The following SLC6A4 variants were observed in gnomAD, a reference collection of about 807,000 sequenced individuals.
SLC6A4 encodes sodium-dependent serotonin transporter.
SLC6A4 carries 22 observed loss-of-function variants against 73.4 expected under a neutral mutation model. The observed-to-expected ratio is 0.30, with a 90% CI of 0.21 to 0.43. The LOEUF is 0.43. Among genes scored for constraint, SLC6A4 ranks in the 20% least tolerant of loss-of-function variants. The probability of loss-of-function intolerance (pLI) is 1.00; values close to 1 mark genes in which losing one functional copy is unlikely to be tolerated. For missense variants in SLC6A4, 593 were observed against 808.5 expected (o/e 0.73, Z 3.23); for synonymous variants, 270 against 315.5 (o/e 0.86, Z 1.53).
rs1166984506 is a variant in SLC6A4, at chr17:30,194,655, T to C, written c.*3801A>G. The C allele has an allele frequency of 6.6e-6, 1 of 152,210 alleles. No individual in the cohort carries two copies. The highest frequency in any genetic ancestry group is 1.5e-5 in the Non-Finnish European group (1 of 68,038). The allele number at this position is 152,210 out of a possible 1,614,324, so 9.4% of individuals were successfully genotyped here. On this transcript the variant is annotated 3_prime_UTR_variant, in exon 15 of 15. Coordinates refer to ENST00000650711, the MANE Select transcript of SLC6A4 (RefSeq NM_001045.6). Reference sequence around the variant, plus strand: ...TTTAATTTTAGAGTGTAAATAAGAATAATCTTTCAAAATGCCATTTAAAAA... The same window carrying C: ...TTTAATTTTAGAGTGTAAATAAGAACAATCTTTCAAAATGCCATTTAAAAA...
Position 30,216,223 on chromosome 17 carries a change from G to C in SLC6A4, c.838-7C>G. On this transcript the variant is annotated splice_region_variant and splice_polypyrimidine_tract_variant and intron_variant, in intron 6 of 14. Transcript: ENST00000650711. Reference sequence around the variant, plus strand: ...TGGCTGTCACCCACACCACCTGTAAGGAAGAAGGGTTATCACCATGCTGTT... The same window carrying C: ...TGGCTGTCACCCACACCACCTGTAACGAAGAAGGGTTATCACCATGCTGTT... 1 of 1,414,478 alleles carries C rather than the reference G, an allele frequency of 7.1e-7. No individual in the cohort carries two copies. The highest frequency in any genetic ancestry group is 1.5e-5 in the African/African-American group (1 of 67,558). The allele number at this position is 1,414,478 out of a possible 1,614,324, so 87.6% of individuals were successfully genotyped here.
intron 12 of SLC6A4, among the ~76,000 whole-genome samples, chr17:30,208,260 A>G (rs1278950279): frequency 6.6e-6 from 1 of 152,148 alleles, no homozygotes; most frequent in Non-Finnish European, 1.5e-5. Context: ...AAACAGTTGA[A>G]TTTTGTCCAG....
At chr17:30,222,729 G>T (rs981095741) in intron 2 of SLC6A4, 90 bp downstream of exon 2, 2 of 1,139,814 alleles carry the variant, frequency 1.8e-6, no homozygotes, top group Non-Finnish European at 2.4e-6. Flanking sequence ...GCTGCCTCCG[G>T]CTGTGTCCAG....
chr17:30,225,563 C>T (rs1019497895), intron 1 of SLC6A4, among the ~76,000 whole-genome samples: 2 of 152,268 alleles, frequency 1.3e-5, no homozygotes, highest in South Asian at 2.1e-4. Flanking sequence ...AGATTGCAAA[C>T]GAGGTCAATA....
chr17:30,230,501 C>T (rs964165484), intron 1 of SLC6A4, among the ~76,000 whole-genome samples: 2 of 152,234 alleles, frequency 1.3e-5, no homozygotes, highest in Admixed American at 6.5e-5. Flanking sequence ...GTAAAACAGA[C>T]ATGATTGGGT....
intron 1 of SLC6A4, among the ~76,000 whole-genome samples, chr17:30,231,111 G>A (rs569472993): frequency 8.5e-5 from 13 of 152,200 alleles, no homozygotes; most frequent in African/African-American, 2.4e-4. Context: ...CTGTATGTGC[G>A]ATAATAGTAT....
At chr17:30,227,517 G>A (rs938035855) in intron 1 of SLC6A4, among the ~76,000 whole-genome samples, 1 of 151,936 alleles carries the variant, frequency 6.6e-6, no homozygotes. Flanking sequence ...ACAGAGTCTT[G>A]CACTGTCATC....
chr17:30,228,595 G>A (rs936983906), intron 1 of SLC6A4, among the ~76,000 whole-genome samples: 16 of 152,250 alleles, frequency 1.1e-4, no homozygotes, highest in South Asian at 4.2e-4. Context: ...ATCCACGTGG[G>A]CACTCAGGGA....
At chr17:30,223,557 G>A (rs1906835994) in intron 1 of SLC6A4, among the ~76,000 whole-genome samples, 1 of 152,222 alleles carries the variant, frequency 6.6e-6, no homozygotes, top group South Asian at 2.1e-4. Context: ...AGTCACTAGG[G>A]TTTGGCGTTT....
In SLC6A4 at chr17:30,226,038, C is replaced by G. The variant is rs56271950; in HGVS notation, c.-220-3123G>C. ...GGAAATGCCTGTGACGCTCCATCTA[C>G]TTGATGCCTATCAGTGCCTTCTAAG... On this transcript the variant is annotated intron_variant, in intron 1 of 14. Coordinates refer to ENST00000650711, the MANE Select transcript of SLC6A4 (RefSeq NM_001045.6). Among the ~76,000 whole-genome samples, 555 of 152,338 alleles carry G rather than the reference C, an allele frequency of 3.6e-3. 9 individuals are homozygous for G. The highest frequency in any genetic ancestry group is 0.029 in the Admixed American group (450 of 15,298).
Position 30,221,728 on chromosome 17 carries a change from C to T in SLC6A4, c.231G>A (p.Gly77=), listed in dbSNP as rs1033315859. The T allele has an allele frequency of 1.2e-6, 2 of 1,614,194 alleles. No homozygotes were observed. Among genetic ancestry groups the T allele is most frequent in the Non-Finnish European group, 1.7e-6 (2 of 1,180,028 alleles). ...TTTLVAELHQ[G]ERETWGKKVD... is the part of the protein sequence containing the mutation. ...CCTTCTTGCCCCAGGTCTCCCGTTC[C>T]CCTTGATGAAGCTCAGCCACTAGGG... is the stretch of plus-strand genomic sequence containing the variant. Residue 77 remains glycine, a synonymous_variant, in exon 3 of 15, where the codon GGG becomes GGA. Transcript: ENST00000650711.
At chr17:30,231,058 A>G (rs551475802) in intron 1 of SLC6A4, among the ~76,000 whole-genome samples, 25 of 152,268 alleles carry the variant, frequency 1.6e-4, no homozygotes, top group African/African-American at 6.0e-4. Context: ...ACTGTATGCT[A>G]AAAAGGACAT....
intron 13 of SLC6A4, 22 bp downstream of exon 13, chr17:30,207,710 G>A (rs1380535986): frequency 1.3e-6 from 2 of 1,507,520 alleles, no homozygotes; most frequent in African/African-American, 1.4e-5. Flanking sequence ...GGGCAAGGAG[G>A]AGAAGGGAAA....
At chr17:30,214,999 CCTTTCTTT>C (rs1395281409) in intron 8 of SLC6A4, among the ~76,000 whole-genome samples, 4 of 27,482 alleles carry the variant, frequency 1.5e-4, no homozygotes, top group Admixed American at 1.1e-3. Context: ...TTCCTTCCTT[CCTTTCTTT>C]CTTTCTTTCT....
chr17:30,222,106 G>A, intron 2 of SLC6A4, 25 bp from the exon 3 acceptor site: 1 of 1,486,020 alleles, frequency 6.7e-7, no homozygotes, highest in Non-Finnish European at 9.1e-7. Context: ...CACAGAGGAA[G>A]GAGAAAAAAG....
chr17:30,233,371 C>T (rs925552423), intron 1 of SLC6A4, among the ~76,000 whole-genome samples: 2 of 152,246 alleles, frequency 1.3e-5, no homozygotes, highest in African/African-American at 4.8e-5. Context: ...TTATTGGGCC[C>T]CTGTTGGTTG....
chr17:30,214,634 C>CGTTTT (rs1906495472), intron 8 of SLC6A4, among the ~76,000 whole-genome samples: 1 of 132,362 alleles, frequency 7.6e-6, no homozygotes, highest in African/African-American at 2.9e-5. Flanking sequence ...TTCTTTCTTT[C>CGTTTT]TTTTTTTTTT....
intron 1 of SLC6A4, among the ~76,000 whole-genome samples, chr17:30,233,453 A>T (rs1907176006): frequency 1.3e-5 from 2 of 152,132 alleles, no homozygotes; most frequent in Admixed American, 1.3e-4. Flanking sequence ...CTTAGAGTGA[A>T]ACCTGAGGGG....
At chr17:30,218,428 G>A (rs1272641720) in intron 4 of SLC6A4, 91 bp from the exon 5 acceptor site, 4 of 965,818 alleles carry the variant, frequency 4.1e-6, no homozygotes, top group Non-Finnish European at 4.8e-6. Flanking sequence ...GAGCCCCGCA[G>A]CCCAGCAGAG....
Sources: gnomAD v4.1 joint callset for allele counts (sites outside exome capture counted in the v4.1 genomes callset) on GRCh38, gnomAD v4.1.1 for gene constraint, MANE v1.5 for transcripts, NCBI Gene and HGNC (gene_info 2026-07-23, HGNC 2026-07-21) for gene names.